Variants in RBFOX1 observed in about 807,000 individuals in gnomAD.
The protein encoded by RBFOX1 is RNA binding protein fox-1 homolog 1.
Under a neutral mutation model 57.7 loss-of-function variants are expected in RBFOX1, and 8 were observed. The observed-to-expected ratio is 0.14, with a 90% CI of 0.08 to 0.25. The LOEUF (loss-of-function observed/expected upper bound fraction) is 0.25. Among genes scored for constraint, RBFOX1 ranks in the 10% least tolerant of loss-of-function variants. The pLI is 1.00. For missense variants in RBFOX1, 611 were observed against 548.5 expected (o/e 1.11, Z -1.14); for synonymous variants, 326 against 222.4 (o/e 1.47, Z -4.15).
chr16:7,190,400 C>G (rs537632359), intron 4 of RBFOX1, among the ~76,000 whole-genome samples: 3 of 152,120 alleles, frequency 2.0e-5, no homozygotes, highest in African/African-American at 7.2e-5. Context: ...AATAAAACTT[C>G]CCTCATTGTT....
intron 1 of RBFOX1, among the ~76,000 whole-genome samples, chr16:5,362,711 C>A (rs1375026418): frequency 6.6e-6 from 1 of 152,072 alleles, no homozygotes; most frequent in Non-Finnish European, 1.5e-5. Context: ...CACCCTCTCC[C>A]CTCAGCCCCC....
intron 6 of RBFOX1, 89 bp downstream of exon 6, chr16:7,580,009 T>A: frequency 7.1e-7 from 1 of 1,408,510 alleles, no homozygotes; most frequent in Non-Finnish European, 9.8e-7. Context: ...TTTACAATAC[T>A]AAGGTTAGAT....
intron 2 of RBFOX1, 132 bp from the exon 3 acceptor site, chr16:6,654,471 A>T: frequency 1.5e-6 from 1 of 686,656 alleles, no homozygotes; most frequent in Non-Finnish European, 2.3e-6. Flanking sequence ...CAATGACTCG[A>T]GAAAGAACTA....
intron 3 of RBFOX1, among the ~76,000 whole-genome samples, chr16:6,711,540 A>T (rs1400345240): frequency 1.3e-5 from 2 of 152,114 alleles, no homozygotes; most frequent in Non-Finnish European, 2.9e-5. Context: ...GATGGTTTAA[A>T]AGTGTTTGGC....
intron 10 of RBFOX1, among the ~76,000 whole-genome samples, chr16:7,627,153 C>A (rs1277521682): frequency 1.5e-5 from 2 of 134,138 alleles, no homozygotes; most frequent in Non-Finnish European, 3.1e-5. Context: ...TTAAGTTGAA[C>A]CACATGAACT....
chr16:5,777,205 T>G (rs2054176397), intron 3 of RBFOX1, among the ~76,000 whole-genome samples: 1 of 152,152 alleles, frequency 6.6e-6, no homozygotes, highest in African/African-American at 2.4e-5. Flanking sequence ...AACATGAATT[T>G]CCTTGCCTTT....
Position 7,070,387 on chromosome 16 carries a change from C to G in RBFOX1, c.27+18289C>G, listed in dbSNP as rs370776648. On this transcript the variant is annotated intron_variant, in intron 4 of 15. Coordinates refer to ENST00000550418, the MANE Select transcript of RBFOX1 (RefSeq NM_018723.4). Reference sequence around the variant, plus strand: ...AACTTGTCTGCCTCAGATGCACCCACGCATACACAGATATATGCATATACC... The same window carrying G: ...AACTTGTCTGCCTCAGATGCACCCAGGCATACACAGATATATGCATATACC... 1.9e-4 allele frequency among the ~76,000 whole-genome samples: 29 copies of G among 152,282 alleles called. 2 individuals are homozygous for G. The highest frequency in any genetic ancestry group is 1.4e-3 in the East Asian group (7 of 5,174).
chr16:6,921,367 A>C (rs1167783546), intron 3 of RBFOX1, among the ~76,000 whole-genome samples: 2 of 152,174 alleles, frequency 1.3e-5, no homozygotes, highest in Non-Finnish European at 2.9e-5. Flanking sequence ...TTGGAGGCTC[A>C]AATGGGGATG....
intron 3 of RBFOX1, among the ~76,000 whole-genome samples, chr16:6,794,113 A>C (rs1428026595): frequency 6.6e-6 from 1 of 152,072 alleles, no homozygotes. Context: ...GGAGCATGGG[A>C]TGAGGTGTAC....
chr16:6,553,191 C>T (rs1278279754), intron 2 of RBFOX1, among the ~76,000 whole-genome samples: 1 of 152,170 alleles, frequency 6.6e-6, no homozygotes, highest in Non-Finnish European at 1.5e-5. Context: ...AATATTTCTG[C>T]AGCTCTTCTC....
rs2098456700 is a variant in RBFOX1, at chr16:6,637,651, A to G, written c.-63-16952A>G. Among the ~76,000 whole-genome samples the G allele has an allele frequency of 2.7e-5, 4 of 149,984 alleles. No individual in the cohort carries two copies. The South Asian group carries it at 8.4e-4, about 32-fold the overall frequency. On this transcript the variant is annotated intron_variant, in intron 2 of 15. Coordinates refer to ENST00000550418, the MANE Select transcript of RBFOX1 (RefSeq NM_018723.4). ...GTTGAAACTCTAAAGTACTCCCCAG[A>G]TAACTGGTGGTGAATTGGGAGCCAG...
chr16:5,622,276 T>C (rs1007892415), intron 3 of RBFOX1, among the ~76,000 whole-genome samples: 1 of 152,212 alleles, frequency 6.6e-6, no homozygotes, highest in African/African-American at 2.4e-5. Flanking sequence ...TGGCTTGTTA[T>C]ATCTTCTGTT....
exon 3 of RBFOX1, chr16:5,600,054 C>G (rs2047313925): frequency 6.7e-6 from 1 of 150,332 alleles, no homozygotes; most frequent in Non-Finnish European, 1.5e-5. Flanking sequence ...CTTTGGGAGG[C>G]TGAGGTGGGC....
intron 4 of RBFOX1, among the ~76,000 whole-genome samples, chr16:7,178,976 C>G (rs1021915465): frequency 6.6e-6 from 1 of 152,112 alleles, no homozygotes; most frequent in Non-Finnish European, 1.5e-5. Flanking sequence ...TTATAATTTT[C>G]GGTGGCAGTG....
At chr16:7,397,444 G>C (rs2098160652) in intron 4 of RBFOX1, among the ~76,000 whole-genome samples, 2 of 152,032 alleles carry the variant, frequency 1.3e-5, no homozygotes, top group South Asian at 4.2e-4. Context: ...TGTCACATAG[G>C]GGGCATACTA....
chr16:5,821,854 G>A (rs755830365), intron 3 of RBFOX1, among the ~76,000 whole-genome samples: 2 of 152,084 alleles, frequency 1.3e-5, no homozygotes, highest in Admixed American at 6.5e-5. Flanking sequence ...GGGCAAAAAG[G>A]GCCCAGCCAG....
At chr16:6,927,173 G>C (rs917171449) in intron 3 of RBFOX1, among the ~76,000 whole-genome samples, 4 of 151,926 alleles carry the variant, frequency 2.6e-5, no homozygotes, top group African/African-American at 7.3e-5. Context: ...TGAATTGTTA[G>C]GTCTGGGTGG....
chr16:5,723,488 A>C (rs946945792), intron 3 of RBFOX1, among the ~76,000 whole-genome samples: 2 of 146,960 alleles, frequency 1.4e-5, no homozygotes, highest in Non-Finnish European at 3.0e-5. Flanking sequence ...ACTGTGGATT[A>C]AACAGTGGCA....
intron 1 of RBFOX1, among the ~76,000 whole-genome samples, chr16:5,242,977 G>A (rs1272151092): frequency 6.8e-6 from 1 of 146,644 alleles, no homozygotes. Context: ...ATTATGGTGG[G>A]GACGTGGTGG....
Sources: gnomAD v4.1 joint callset for allele counts (sites outside exome capture counted in the v4.1 genomes callset) on GRCh38, gnomAD v4.1.1 for gene constraint, MANE v1.5 for transcripts, NCBI Gene and HGNC (gene_info 2026-07-23, HGNC 2026-07-21) for gene names.